SLC6A19: variants seen among roughly 807,000 people sequenced by gnomAD.
SLC6A19 encodes the protein sodium-dependent neutral amino acid transporter B(0)AT1.
SLC6A19 carries 67 observed loss-of-function variants against 68.3 expected under a neutral mutation model. The observed-to-expected ratio is 0.98, with a 90% CI of 0.81 to 1.20. The LOEUF (loss-of-function observed/expected upper bound fraction) is 1.20, where lower values mean the gene tolerates loss of function less well. Ranked by LOEUF, SLC6A19 falls within the 50% of genes most tolerant of loss-of-function variation. SLC6A19 has a pLI of 0.00. For missense variants in SLC6A19, 813 were observed against 851.6 expected (o/e 0.95, Z 0.56); for synonymous variants, 392 against 374.9 (o/e 1.05, Z -0.53).
At position 1,222,521 on chromosome 5, in the gene SLC6A19, G is replaced by C. The variant is rs991028287; in HGVS notation, c.*617G>C. On this transcript the variant is annotated 3_prime_UTR_variant, in exon 12 of 12. Transcript: ENST00000304460. ...GCCTGTGTGACGTGTGTATATGTGAGCATGTGTACGTGTGTGTATACGTGT... is the reference window on the plus strand; with the variant it reads ...GCCTGTGTGACGTGTGTATATGTGACCATGTGTACGTGTGTGTATACGTGT... 2.4e-6 allele frequency: 1 copy of C among 409,302 alleles called. No individual in the cohort carries two copies. Among genetic ancestry groups the C allele is most frequent in the Non-Finnish European group, 4.3e-6 (1 of 231,134 alleles). 25.4% of individuals were successfully genotyped at this position (409,302 alleles called of 1,614,324 possible).
intron 10 of SLC6A19, 102 bp downstream of exon 10, chr5:1,219,766 G>A: frequency 6.5e-7 from 1 of 1,528,198 alleles, no homozygotes; most frequent in African/African-American, 1.4e-5. Flanking sequence ...TACGGAGGGA[G>A]AGTCTATGAC....
intron 2 of SLC6A19, 37 bp from the exon 3 acceptor site, chr5:1,210,407 G>A: frequency 6.2e-7 from 1 of 1,610,194 alleles, no homozygotes; most frequent in East Asian, 2.2e-5. Context: ...TGGAGGGTGT[G>A]CCTCGGCCCC....
chr5:1,210,923 G>A (rs980494716), intron 3 of SLC6A19, among the ~76,000 whole-genome samples: 14 of 152,144 alleles, frequency 9.2e-5, no homozygotes, highest in African/African-American at 2.9e-4. Context: ...GCCGCCTCCC[G>A]CCCCATGCAT....
At position 1,216,590 on chromosome 5, in the gene SLC6A19, CCAT is replaced by C. The variant is rs1434326919; in HGVS notation, c.926_928del (p.Ile309del). 6.2e-7 allele frequency: 1 copy of C among 1,614,046 alleles called. No individual in the cohort carries two copies. Among genetic ancestry groups the C allele is most frequent in the Admixed American group, 1.7e-5 (1 of 60,014 alleles). On this transcript the variant is annotated inframe_deletion, in exon 7 of 12. Coordinates refer to ENST00000304460, the MANE Select transcript of SLC6A19 (RefSeq NM_001003841.3). ...TGCGAGAAGGACTCGGTGATTGTGT[CCAT>C]CATCAACGGCTTCACATCGGTGTAT...
intron 1 of SLC6A19, among the ~76,000 whole-genome samples, chr5:1,207,603 T>C (rs1182876977): frequency 6.6e-6 from 1 of 152,258 alleles, no homozygotes; most frequent in African/African-American, 2.4e-5. Flanking sequence ...TCTGAGCCTC[T>C]GCGCCTGATG....
intron 10 of SLC6A19, among the ~76,000 whole-genome samples, chr5:1,220,735 G>C (rs1482475681): frequency 6.6e-6 from 1 of 152,208 alleles, no homozygotes; most frequent in African/African-American, 2.4e-5. Context: ...CGCAGAAGAG[G>C]GTTCAGCAGA....
rs1220846464 is a variant in SLC6A19, at chr5:1,215,391, T to C, written c.888-1167T>C. 6.6e-6 allele frequency among the ~76,000 whole-genome samples: 1 copy of C among 152,354 alleles called. No homozygotes were observed. The highest frequency in any genetic ancestry group is 2.1e-4 in the South Asian group (1 of 4,834). ...CCAATCAGCAAAAGCTCCACATATG[T>C]GAGCAGCCGCTCCCCAGTGCCCTGT... On this transcript the variant is annotated intron_variant, in intron 6 of 11. Transcript: ENST00000304460. The surrounding 1 kb of genome is among the most constrained non-coding windows in gnomAD (Gnocchi z 5.1).
In SLC6A19 at chr5:1,211,951, A is replaced by ATG. The variant is rs539461441; in HGVS notation, c.482-347_482-346dup. Among the ~76,000 whole-genome samples, 7 of 135,396 alleles carry ATG rather than the reference A, an allele frequency of 5.2e-5. No homozygotes were observed. The South Asian group carries it at 1.6e-3, about 32-fold the overall frequency. 88.8% of individuals were successfully genotyped at this position (135,396 alleles called of 152,430 possible). ...TGTGAGCATGTGTGTGCATGTGAGC[A>ATG]TGTGTGCCTGTGTGCATGTGTGTGT... On this transcript the variant is annotated intron_variant, in intron 3 of 11. Coordinates refer to ENST00000304460, the MANE Select transcript of SLC6A19 (RefSeq NM_001003841.3).
Position 1,221,320 on chromosome 5 carries a change from G to A in SLC6A19, c.1701+7G>A, listed in dbSNP as rs777812422. ...CATCTGGGACCCTGGCTACGTAAGT[G>A]TCCAGGCAGTCGCCTGGGGTGGGGA... On this transcript the variant is annotated splice_region_variant and intron_variant, in intron 11 of 11. Transcript: ENST00000304460. The A allele has an allele frequency of 1.2e-6, 2 of 1,612,694 alleles. No individual in the cohort carries two copies. The highest frequency in any genetic ancestry group is 1.7e-6 in the Non-Finnish European group (2 of 1,179,992).
intron 1 of SLC6A19, among the ~76,000 whole-genome samples, chr5:1,204,491 C>T (rs1229547766): frequency 6.6e-6 from 1 of 152,214 alleles, no homozygotes; most frequent in Non-Finnish European, 1.5e-5. Context: ...TCAGCCAGGG[C>T]TCACCCCACT....
At position 1,213,527 on chromosome 5, in the gene SLC6A19, C is replaced by G. The variant is rs202220597; in HGVS notation, c.728C>G (p.Thr243Arg). Residue 243 changes from threonine (T) to arginine (R), a missense_variant, in exon 5 of 12, where the codon ACG becomes AGG. Transcript: ENST00000304460. ...ACCATCTTCCTCATCCGAGGCCTGA[C>G]GCTGAAGGGCGCCACCAATGGCATC... Reference protein sequence around the residue: ...VLTIFLIRGLTLKGATNGIVF... With the variant: ...VLTIFLIRGLRLKGATNGIVF... 4.3e-6 allele frequency: 7 copies of G among 1,610,956 alleles called. No homozygotes were observed. Among genetic ancestry groups the G allele is most frequent in the Admixed American group, 1.7e-5 (1 of 59,792 alleles).
At chr5:1,217,011 A>G in intron 8 of SLC6A19, 66 bp downstream of exon 8, 3 of 1,607,320 alleles carry the variant, frequency 1.9e-6, no homozygotes, top group Non-Finnish European at 1.7e-6. Flanking sequence ...GAGTCCGGCC[A>G]CCCCTGGGCC....
In SLC6A19 at chr5:1,204,809, C is replaced by T. The variant is rs549615819; in HGVS notation, c.202+2957C>T. Among the ~76,000 whole-genome samples, 16 of 152,354 alleles carry T rather than the reference C, an allele frequency of 1.1e-4. No individual in the cohort carries two copies. The South Asian group carries it at 1.9e-3, about 18-fold the overall frequency. On this transcript the variant is annotated intron_variant, in intron 1 of 11. Transcript: ENST00000304460. ...CAGCTGTCTCTTCTTTGCTGCTCAA[C>T]GCCTGGCCCCGGGGTCAGCTTTCCC...
In SLC6A19 at chr5:1,221,842, G is replaced by C; in HGVS notation, c.1843G>C (p.Asp615His). 2 of 1,614,214 alleles carry C rather than the reference G, an allele frequency of 1.2e-6. No individual in the cohort carries two copies. Among genetic ancestry groups the C allele is most frequent in the South Asian group, 1.1e-5 (1 of 91,088 alleles). ...LIRNHCQKPGDHQGLVSTLST... is the reference protein window; with the variant it reads ...LIRNHCQKPGHHQGLVSTLST... ...CAGGAACCACTGCCAGAAGCCAGGG[G>C]ACCATCAGGGGCTGGTGAGCACACT... The change falls in exon 12 of 12, where the codon GAC becomes CAC. Residue 615 changes from aspartate (D) to histidine (H), a missense_variant. Physicochemically the swap from Asp to His is moderately conservative, Grantham distance 81. Coordinates refer to ENST00000304460, the MANE Select transcript of SLC6A19 (RefSeq NM_001003841.3).
chr5:1,213,920 C>T, intron 5 of SLC6A19, 33 bp from the exon 6 acceptor site: 1 of 1,611,074 alleles, frequency 6.2e-7, no homozygotes, highest in Non-Finnish European at 8.5e-7. Flanking sequence ...CCCATCTGCA[C>T]CATGAGTGGC....
Position 1,209,002 on chromosome 5 carries a change from G to A in SLC6A19, c.343+116G>A, listed in dbSNP as rs1193061211. On this transcript the variant is annotated intron_variant, in intron 2 of 11. Transcript: ENST00000304460. This position sits in a 1 kb window ranked among gnomAD's most constrained non-coding sequence, Gnocchi z 5.5. ...TCGGTGCCCCTGCTCTGCCTTCCCT[G>A]TCTGTTTCTGGTGCAACAAAGGTCC... 2 of 1,363,064 alleles carry A rather than the reference G, an allele frequency of 1.5e-6. No individual in the cohort carries two copies. Among genetic ancestry groups the A allele is most frequent in the Non-Finnish European group, 2.0e-6 (2 of 1,019,720 alleles). The allele number at this position is 1,363,064 out of a possible 1,614,324, so 84.4% of individuals were successfully genotyped here. A position where few individuals can be genotyped will look rare whatever the true frequency, so the allele number is the denominator to read the frequency against.
In SLC6A19 at chr5:1,215,708, C is replaced by A. The variant is rs762675318; in HGVS notation, c.888-850C>A. Among the ~76,000 whole-genome samples the A allele has an allele frequency of 6.6e-6, 1 of 152,194 alleles. No homozygotes were observed. Among genetic ancestry groups the A allele is most frequent in the Admixed American group, 6.5e-5 (1 of 15,290 alleles). On this transcript the variant is annotated intron_variant, in intron 6 of 11. Coordinates refer to ENST00000304460, the MANE Select transcript of SLC6A19 (RefSeq NM_001003841.3). This position sits in a 1 kb window ranked among gnomAD's most constrained non-coding sequence, Gnocchi z 5.1. ...ATGCTGACGTGAGCCTGTGTGTACG[C>A]GTTTTTGTGGACGCATGCTTTCGTT...
At chr5:1,221,590 TG>T in intron 11 of SLC6A19, 110 bp from the exon 12 acceptor site, 3 of 1,381,748 alleles carry the variant, frequency 2.2e-6, no homozygotes, top group Non-Finnish European at 3.0e-6. Flanking sequence ...CAGGCCACCC[TG>T]CCTGCCCCAC....
In SLC6A19 at chr5:1,214,468, G is replaced by T. The variant is rs1036329530; in HGVS notation, c.887+403G>T. Reference sequence around the variant, plus strand: ...CCGACCAAGGTCTGATCCTTCCACTGCCCCTTCCCCACGTACCCACTGCGC... The same window carrying T: ...CCGACCAAGGTCTGATCCTTCCACTTCCCCTTCCCCACGTACCCACTGCGC... On this transcript the variant is annotated intron_variant, in intron 6 of 11. Coordinates refer to ENST00000304460, the MANE Select transcript of SLC6A19 (RefSeq NM_001003841.3). This position sits in a 1 kb window ranked among gnomAD's most constrained non-coding sequence, Gnocchi z 7.4. Among the ~76,000 whole-genome samples the T allele has an allele frequency of 6.6e-6, 1 of 152,188 alleles. No homozygotes were observed. Among genetic ancestry groups the T allele is most frequent in the Non-Finnish European group, 1.5e-5 (1 of 68,034 alleles).
Sources: gnomAD v4.1 joint callset for allele counts (sites outside exome capture counted in the v4.1 genomes callset) on GRCh38, gnomAD v4.1.1 for gene constraint, Gnocchi (gnomAD v3.1) non-coding constraint, MANE v1.5 for transcripts, NCBI Gene and HGNC (gene_info 2026-07-23, HGNC 2026-07-21) for gene names.